The following ABCB6 variants were observed in gnomAD, a reference collection of about 807,000 sequenced individuals.
ABCB6 encodes the protein ATP binding cassette subfamily B member 6 (LAN blood group), also known as ATP-binding cassette sub-family B member 6.
In ABCB6, 87 loss-of-function variants were observed where a neutral mutation model predicts 99.4. The ratio of observed to expected loss-of-function variants is 0.88; its 90% CI spans 0.74 to 1.05. ABCB6 has a LOEUF of 1.05. ABCB6 is among the 50% of genes least tolerant of loss of function. The pLI, the probability that ABCB6 is intolerant of heterozygous loss-of-function variation, is 0.00. For missense variants in ABCB6, 1,050 were observed against 1,097.9 expected, an observed-to-expected ratio of 0.96 and a Z score of 0.62; for synonymous variants, 482 against 447.5, an observed-to-expected ratio of 1.08 and a Z score of -0.97.
In ABCB6 at chr2:219,216,449, C is replaced by T. The variant is rs370926081; in HGVS notation, c.885G>A (p.Glu295=). ...AGGCCAGAGAGTTCCAAGGTGCCTT[C>T]TCAGTCAGCAAGTTCACTGTGGAGG... ...FYRNIVNLLT[E]KAPWNSLAWT... Residue 295 remains glutamate, a synonymous_variant, in exon 4 of 19, where the codon GAG becomes GAA. Coordinates refer to ENST00000265316, the MANE Select transcript of ABCB6 (RefSeq NM_005689.4). The surrounding 1 kb of genome is among the most constrained non-coding windows in gnomAD (Gnocchi z 4.2). 5 of 1,613,960 alleles carry T rather than the reference C, an allele frequency of 3.1e-6. No individual in the cohort carries two copies. Among genetic ancestry groups the T allele is most frequent in the Non-Finnish European group, 4.2e-6 (5 of 1,179,998 alleles).
At chr2:219,217,596 A>T in intron 2 of ABCB6, 74 bp downstream of exon 2, 1 of 1,311,146 alleles carries the variant, frequency 7.6e-7, no homozygotes, top group Non-Finnish European at 1.1e-6. Flanking sequence ...GTGAGCTGAG[A>T]TCACGCCACT....
At chr2:219,215,976 C>A in intron 5 of ABCB6, 21 bp downstream of exon 5, 6 of 1,539,088 alleles carry the variant, frequency 3.9e-6, no homozygotes, top group Non-Finnish European at 5.3e-6. Context: ...CTCCCACATG[C>A]CCTTTCCACT....
intron 12 of ABCB6, 70 bp from the exon 13 acceptor site, chr2:219,213,135 C>G: frequency 6.2e-7 from 1 of 1,603,786 alleles, no homozygotes; most frequent in Non-Finnish European, 8.5e-7. Flanking sequence ...CCCTGCCCCT[C>G]CCCTGCCCAG....
At chr2:219,214,842 C>G in intron 6 of ABCB6, 119 bp downstream of exon 6, 1 of 1,194,724 alleles carries the variant, frequency 8.4e-7, no homozygotes, top group Non-Finnish European at 1.2e-6. Context: ...CACTAGGAGC[C>G]CATTCAAGTC....
chr2:219,212,683 G>A lies in ABCB6; in HGVS notation c.1864-192C>T, dbSNP rs13027935. 0.1 allele frequency among the ~76,000 whole-genome samples: 15,719 copies of A among 151,986 alleles called. 1,199 individuals carry two copies. Among genetic ancestry groups the A allele is most frequent in the Non-Finnish European group, 0.15 (10,517 of 67,906 alleles). On this transcript the variant is annotated intron_variant, in intron 13 of 18. Coordinates refer to ENST00000265316, the MANE Select transcript of ABCB6 (RefSeq NM_005689.4). ...ATTATAGGCACCCGCCACCATGCCC[G>A]GCTAATTTTTGTATTTTTAGTAGAG...
rs1253196443 is a variant in ABCB6 at position 219,210,926 on chromosome 2, T to G, written c.2143+8A>C. 6.2e-7 allele frequency: 1 copy of G among 1,613,930 alleles called. No individual in the cohort carries two copies. The highest frequency in any genetic ancestry group is 8.5e-7 in the Non-Finnish European group (1 of 1,179,972). The stretch of plus-strand genomic sequence containing the variant: ...GGGGAGGGGACTCTCTGCAAAGGAA[T>G]CTCTCACCTTCAGGGAAAGCCATAA... On this transcript the variant is annotated splice_region_variant and intron_variant, in intron 15 of 18. Transcript: ENST00000265316.
chr2:219,218,399 G>T lies in ABCB6; in HGVS notation c.275C>A (p.Ala92Asp). 6.2e-7 allele frequency: 1 copy of T among 1,611,738 alleles called. No individual in the cohort carries two copies. Among genetic ancestry groups the T allele is most frequent in the Non-Finnish European group, 8.5e-7 (1 of 1,179,372 alleles). ...CCCCCGGGCAGTGCCCACCCGGCCA[G>T]CCAGGCCGGCCAGGGGCAGCGCCGC... ...LQAALPLAGL[A>D]GRVGTARGAP... is the part of the protein sequence containing the mutation. The change falls in exon 1 of 19, where the codon GCT becomes GAT. Residue 92 changes from alanine to aspartate, a missense_variant. Physicochemically the swap from Ala to Asp is moderately radical, Grantham distance 126. Coordinates refer to ENST00000265316, the MANE Select transcript of ABCB6 (RefSeq NM_005689.4).
At chr2:219,212,567 G>A in intron 13 of ABCB6, 76 bp from the exon 14 acceptor site, 1 of 1,140,202 alleles carries the variant, frequency 8.8e-7, no homozygotes. Flanking sequence ...CCGTCACCCA[G>A]GCTGCAGTGC....
Position 219,213,001 on chromosome 2 carries a change from C to T in ABCB6, c.1863+7G>A. On this transcript the variant is annotated splice_region_variant and intron_variant, in intron 13 of 18. Transcript: ENST00000265316. ...CATCTGGGCCAAGTGGCTGGGTCTCCTCTCACCAGGGCAAGTGTCTGTCCA... is the reference window on the plus strand; with the variant it reads ...CATCTGGGCCAAGTGGCTGGGTCTCTTCTCACCAGGGCAAGTGTCTGTCCA... 2 of 1,613,890 alleles carry T rather than the reference C, an allele frequency of 1.2e-6. No homozygotes were observed. The highest frequency in any genetic ancestry group is 2.2e-5 in the South Asian group (2 of 91,016).
At position 219,216,175 on chromosome 2, in the gene ABCB6, C is replaced by A; in HGVS notation, c.976G>T (p.Val326Leu). Reference protein sequence around the residue: ...QGGGTGSTGFVSNLRTFLWIR... With the variant: ...QGGGTGSTGFLSNLRTFLWIR... ...CACAGGAAGGTGCGCAGGTTGCTCA[C>A]GAAGCCTGCAGGGAGCCGGGGGACG... Residue 326 changes from valine (V) to leucine (L), a missense_variant, in exon 5 of 19, where the codon GTG becomes TTG. Val to Leu is a conservative substitution (Grantham distance 32). Transcript: ENST00000265316. The surrounding 1 kb of genome is among the most constrained non-coding windows in gnomAD (Gnocchi z 4.2). 6.3e-7 allele frequency: 1 copy of A among 1,589,728 alleles called. No homozygotes were observed. Among genetic ancestry groups the A allele is most frequent in the Non-Finnish European group, 8.6e-7 (1 of 1,165,524 alleles).
intron 13 of ABCB6, among the ~76,000 whole-genome samples, chr2:219,212,698 T>G (rs1004029535): frequency 6.6e-6 from 1 of 152,126 alleles, no homozygotes; most frequent in African/African-American, 2.4e-5. Context: ...ATTTTTGTAT[T>G]TTTAGTAGAG....
intron 5 of ABCB6, 113 bp from the exon 6 acceptor site, chr2:219,215,195 C>A: frequency 1.5e-6 from 2 of 1,374,214 alleles, no homozygotes; most frequent in South Asian, 2.7e-5. Context: ...TGGAACCAGT[C>A]TTAATTAATT....
rs2106428637 is a variant in ABCB6, at chr2:219,216,629, G to C, written c.868+23C>G. The C allele has an allele frequency of 2.6e-6, 4 of 1,548,436 alleles. No individual in the cohort carries two copies. Among genetic ancestry groups the C allele is most frequent in the African/African-American group, 2.7e-5 (2 of 73,142 alleles). On this transcript the variant is annotated intron_variant, in intron 3 of 18. Coordinates refer to ENST00000265316, the MANE Select transcript of ABCB6 (RefSeq NM_005689.4). This position sits in a 1 kb window ranked among gnomAD's most constrained non-coding sequence, Gnocchi z 4.2. ...CAGGCTGATGAAGGACCAGCACACT[G>C]AGCTGGTGCTCCTCCTGCTCACCAA... is the stretch of plus-strand genomic sequence containing the variant.
chr2:219,212,241 T>C, intron 14 of ABCB6, 146 bp downstream of exon 14: 1 of 658,452 alleles, frequency 1.5e-6, no homozygotes, highest in East Asian at 2.8e-5. Context: ...ACATGACTAC[T>C]TTACTTGTGT....
chr2:219,212,346 C>T (rs553971671), intron 14 of ABCB6, 41 bp downstream of exon 14: 36 of 1,558,954 alleles, frequency 2.3e-5, no homozygotes, highest in East Asian at 1.8e-4. Flanking sequence ...TTCCTCCACA[C>T]GTAGACCCCT....
In ABCB6 at chr2:219,216,259, G is replaced by A. The variant is rs1950640414; in HGVS notation, c.971-79C>T. ...CCCAGCACCAGGATGTGAAAGGTCT[G>A]AGAGTACATGGGGGCTGGGGAGGAA... On this transcript the variant is annotated intron_variant, in intron 4 of 18. Transcript: ENST00000265316. The surrounding 1 kb of genome is among the most constrained non-coding windows in gnomAD (Gnocchi z 4.2). The A allele has an allele frequency of 6.3e-7, 1 of 1,576,904 alleles. No homozygotes were observed. The highest frequency in any genetic ancestry group is 1.8e-5 in the Admixed American group (1 of 56,490).
In ABCB6 at chr2:219,211,073, A is replaced by G. The variant is rs1395484765; in HGVS notation, c.2004T>C (p.Val668=). Residue 668 remains valine (V), a synonymous_variant, in exon 15 of 19, where the codon GTT becomes GTC. Coordinates refer to ENST00000265316, the MANE Select transcript of ABCB6 (RefSeq NM_005689.4). ...TQASLRSHIG[V]VPQDTVLFND... ...TAAAGAGGACAGTGTCTTGGGGCAC[A>G]ACTCCAATGTGAGACCGGAGAGAGG... The G allele has an allele frequency of 5.6e-6, 9 of 1,614,186 alleles. 1 individual carries two copies. The highest frequency in any genetic ancestry group is 3.3e-4 in the Middle Eastern group (2 of 6,062).
intron 6 of ABCB6, 103 bp from the exon 7 acceptor site, chr2:219,214,601 C>T (rs1194935645): frequency 4.7e-6 from 4 of 842,276 alleles, no homozygotes; most frequent in East Asian, 2.5e-5. Flanking sequence ...AGCCTATGCT[C>T]AAGCCCGGAC....
chr2:219,217,364 G>A (rs1950654182), intron 2 of ABCB6, among the ~76,000 whole-genome samples: 1 of 145,872 alleles, frequency 6.9e-6, no homozygotes, highest in African/African-American at 2.6e-5. Flanking sequence ...AACAAAAAGA[G>A]GCCAGGCGCA....
Sources: gnomAD v4.1 joint callset for allele counts (sites outside exome capture counted in the v4.1 genomes callset) on GRCh38, gnomAD v4.1.1 for gene constraint, Gnocchi (gnomAD v3.1) non-coding constraint, MANE v1.5 for transcripts, NCBI Gene and HGNC (gene_info 2026-07-23, HGNC 2026-07-21) for gene names.